Variants in GRIP1 observed in about 807,000 individuals in gnomAD.
GRIP1 encodes the protein glutamate receptor-interacting protein 1.
Under a neutral mutation model 129.9 loss-of-function variants are expected in GRIP1, and 45 were observed. The ratio of observed to expected loss-of-function variants is 0.35; its 90% confidence interval spans 0.27 to 0.44. The LOEUF (loss-of-function observed/expected upper bound fraction) is 0.44, where lower values mean the gene tolerates loss of function less well. Ranked by LOEUF, GRIP1 falls within the 20% of genes least tolerant of loss-of-function variation. The probability of loss-of-function intolerance (pLI) is 1.00; values close to 1 mark genes in which losing one functional copy is unlikely to be tolerated. For missense variants in GRIP1, 1,196 were observed against 1,396.8 expected (o/e 0.86, Z 2.29); for synonymous variants, 530 against 520.8 (o/e 1.02, Z -0.24).
At chr12:67,026,140 T>C (rs1222949703) in intron 1 of GRIP1, among the ~76,000 whole-genome samples, 1 of 152,220 alleles carries the variant, frequency 6.6e-6, no homozygotes, top group African/African-American at 2.4e-5. Context: ...TTTAAGATTA[T>C]TTATTGAAAA....
chr12:66,597,520 G>T (rs565965012), intron 1 of GRIP1, among the ~76,000 whole-genome samples: 3 of 152,310 alleles, frequency 2.0e-5, no homozygotes, highest in South Asian at 2.1e-4. Context: ...GAGGAGCTAG[G>T]TTGAGAATAG....
At chr12:66,811,972 T>C (rs1394967617) in intron 1 of GRIP1, among the ~76,000 whole-genome samples, 1 of 152,196 alleles carries the variant, frequency 6.6e-6, no homozygotes. Context: ...CTTTTTCTCT[T>C]AAAGCCATTT....
chr12:66,921,010 G>C (rs556837564), intron 1 of GRIP1, among the ~76,000 whole-genome samples: 1 of 152,262 alleles, frequency 6.6e-6, no homozygotes, highest in African/African-American at 2.4e-5. Context: ...TAACCGTCTA[G>C]GAAATGGTGA....
chr12:66,368,896 C>T (rs2055309800), intron 23 of GRIP1, among the ~76,000 whole-genome samples: 1 of 152,190 alleles, frequency 6.6e-6, no homozygotes, highest in African/African-American at 2.4e-5. Context: ...TGCCTACTAA[C>T]AAACATCCTG....
At chr12:66,515,964 A>C (rs1382082757) in intron 6 of GRIP1, among the ~76,000 whole-genome samples, 200 bp from the exon 7 acceptor site, 2 of 152,164 alleles carry the variant, frequency 1.3e-5, no homozygotes, top group African/African-American at 4.8e-5. Flanking sequence ...AAAATCAGTA[A>C]TGAGAAAATA....
At chr12:66,691,373 A>C (rs1018513737) in intron 1 of GRIP1, among the ~76,000 whole-genome samples, 5 of 152,206 alleles carry the variant, frequency 3.3e-5, no homozygotes, top group African/African-American at 1.2e-4. Flanking sequence ...AATACACTAG[A>C]GGTTTCTTCC....
At chr12:66,655,304 T>C (rs1381839892) in intron 1 of GRIP1, among the ~76,000 whole-genome samples, 1 of 152,190 alleles carries the variant, frequency 6.6e-6, no homozygotes, top group Admixed American at 6.6e-5. Flanking sequence ...TGCAAATCTT[T>C]CTGTTTTGTT....
intron 1 of GRIP1, among the ~76,000 whole-genome samples, chr12:67,033,877 T>C (rs1018599536): frequency 6.6e-6 from 1 of 152,222 alleles, no homozygotes; most frequent in African/African-American, 2.4e-5. Context: ...TAAATGTTTG[T>C]TGAATCTGAA....
At chr12:66,420,249 T>C (rs2057757349) in intron 15 of GRIP1, among the ~76,000 whole-genome samples, 1 of 152,114 alleles carries the variant, frequency 6.6e-6, no homozygotes, top group Admixed American at 6.5e-5. Flanking sequence ...AAATGAAAAA[T>C]TTGAGACCTC....
At chr12:66,523,865 C>T (rs1436063988) in intron 5 of GRIP1, among the ~76,000 whole-genome samples, 2 of 152,110 alleles carry the variant, frequency 1.3e-5, no homozygotes, top group East Asian at 3.8e-4. Flanking sequence ...CAAAAAAAGG[C>T]AGGGGTTGCA....
intron 7 of GRIP1, among the ~76,000 whole-genome samples, chr12:66,472,053 T>C (rs912205898): frequency 7.9e-5 from 12 of 152,326 alleles, no homozygotes; most frequent in Non-Finnish European, 1.6e-4. Context: ...CATAAGTGAC[T>C]AGGACCAGAT....
intron 1 of GRIP1, among the ~76,000 whole-genome samples, chr12:66,960,071 A>C (rs1480236360): frequency 6.6e-6 from 1 of 152,184 alleles, no homozygotes; most frequent in Non-Finnish European, 1.5e-5. Context: ...AACAGAAGGA[A>C]GGTAAGTAGC....
intron 1 of GRIP1, among the ~76,000 whole-genome samples, chr12:66,957,518 T>C (rs1052769522): frequency 2.6e-5 from 4 of 152,090 alleles, no homozygotes; most frequent in African/African-American, 9.7e-5. Flanking sequence ...CTCTTGGCTA[T>C]GGCAGTTTCT....
chr12:66,368,091 G>A (rs534170455), intron 23 of GRIP1, among the ~76,000 whole-genome samples: 11 of 152,192 alleles, frequency 7.2e-5, no homozygotes, highest in Non-Finnish European at 1.6e-4. Flanking sequence ...CCAAAGGTCT[G>A]GAGGAAGAGA....
At chr12:66,731,842 C>A (rs2136502030) in intron 1 of GRIP1, among the ~76,000 whole-genome samples, 1 of 152,204 alleles carries the variant, frequency 6.6e-6, no homozygotes, top group South Asian at 2.1e-4. Context: ...TGGACTATGG[C>A]AGGCTAACAA....
At chr12:66,576,078 C>A (rs184029092) in intron 2 of GRIP1, among the ~76,000 whole-genome samples, 6 of 152,186 alleles carry the variant, frequency 3.9e-5, no homozygotes, top group Non-Finnish European at 5.9e-5. Context: ...TTGAAGGATG[C>A]CAGAAATCTT....
chr12:66,705,311 A>G (rs2035489414), intron 1 of GRIP1, among the ~76,000 whole-genome samples: 1 of 152,020 alleles, frequency 6.6e-6, no homozygotes, highest in South Asian at 2.1e-4. Context: ...ATTTAATGCT[A>G]CAAAGAGAAT....
At position 66,513,498 on chromosome 12, in the gene GRIP1, A is replaced by C. The variant is rs561399567; in HGVS notation, c.724+2121T>G. Among the ~76,000 whole-genome samples the C allele has an allele frequency of 3.9e-5, 6 of 152,222 alleles. No homozygotes were observed. In the East Asian group the frequency reaches 7.7e-4, roughly 20 times the overall value. On this transcript the variant is annotated intron_variant, in intron 7 of 24. Transcript: ENST00000359742. The stretch of plus-strand genomic sequence containing the variant: ...TATGTATTTAAGTATTCTTTTATGC[A>C]TCTGTATATGCATATGCATATCTAT...
chr12:66,893,683 T>C (rs1472644331), intron 1 of GRIP1, among the ~76,000 whole-genome samples: 1 of 152,234 alleles, frequency 6.6e-6, no homozygotes, highest in African/African-American at 2.4e-5. Context: ...ATACATAAGA[T>C]TTTGTGCAAA....
Sources: allele counts gnomAD v4.1 joint callset (sites outside exome capture counted in the v4.1 genomes callset), GRCh38; gene constraint gnomAD v4.1.1; transcripts MANE v1.5; gene names NCBI Gene and HGNC (gene_info 2026-07-23, HGNC 2026-07-21).